Variants in AGAP1 observed in about 807,000 individuals in gnomAD.
AGAP1 encodes the protein arf-GAP with GTPase, ANK repeat and PH domain-containing protein 1.
A neutral mutation model predicts 105.3 loss-of-function variants in AGAP1; 29 were observed. The ratio of observed to expected loss-of-function variants is 0.28; its 90% CI spans 0.21 to 0.38. The LOEUF (loss-of-function observed/expected upper bound fraction) is 0.38, where lower values mean the gene tolerates loss of function less well. Among genes scored for constraint, AGAP1 ranks in the 10% least tolerant of loss-of-function variants. The pLI is 1.00. For synonymous variants in AGAP1, 509 were observed against 485.9 expected (o/e 1.05, Z -0.63); for missense variants, 998 against 1,165.1 (o/e 0.86, Z 2.09).
chr2:235,896,074 A>G lies in AGAP1; in HGVS notation c.1155+12625A>G, dbSNP rs1382864983. Among the ~76,000 whole-genome samples the G allele has an allele frequency of 3.9e-5, 6 of 152,168 alleles. 1 individual carries two copies. The highest frequency in any genetic ancestry group is 1.4e-4 in the African/African-American group (6 of 41,444). On this transcript the variant is annotated intron_variant, in intron 10 of 17. Coordinates refer to ENST00000304032, the MANE Select transcript of AGAP1 (RefSeq NM_001037131.3). ...ACCTCCAGAACTTTTTCATCTTACA[A>G]AACAAACTCTACGCATAAACACAAA...
At position 235,953,767 on chromosome 2, in the gene AGAP1, A is replaced by T. The variant is rs1160129844; in HGVS notation, c.1484-14695A>T. Among the ~76,000 whole-genome samples, 1 of 151,924 alleles carries T rather than the reference A, an allele frequency of 6.6e-6. No individual in the cohort carries two copies. The highest frequency in any genetic ancestry group is 1.5e-5 in the Non-Finnish European group (1 of 67,972). On this transcript the variant is annotated intron_variant, in intron 12 of 17. Coordinates refer to ENST00000304032, the MANE Select transcript of AGAP1 (RefSeq NM_001037131.3). The surrounding 1 kb of genome is among the most constrained non-coding windows in gnomAD (Gnocchi z 5.2). ...AGGTATAGTGAGACCCCATCTCTAC[A>T]AAGAAATTATCAGGGCATGGTGGGT...
rs6754216 is a variant in AGAP1, at chr2:235,610,344, C to T, written c.164-98835C>T. 0.29 allele frequency among the ~76,000 whole-genome samples: 44,799 copies of T among 152,006 alleles called. 6,798 individuals carry two copies. Among genetic ancestry groups the T allele is most frequent in the South Asian group, 0.38 (1,843 of 4,820 alleles). On this transcript the variant is annotated intron_variant, in intron 1 of 17. Transcript: ENST00000304032. The surrounding 1 kb of genome is among the most constrained non-coding windows in gnomAD (Gnocchi z 4.9). ...TGGGCTGCCATAACAAAATACCAGA[C>T]GCTGGGTGCCTTAAACCACAGAAAT...
In AGAP1 at chr2:235,908,868, C is replaced by G. The variant is rs2051435939; in HGVS notation, c.1286C>G (p.Ser429Cys). 1 of 1,614,020 alleles carries G rather than the reference C, an allele frequency of 6.2e-7. No individual in the cohort carries two copies. Among genetic ancestry groups the G allele is most frequent in the Non-Finnish European group, 8.5e-7 (1 of 1,179,984 alleles). ...TCCAGCCCTAAAACCAATGGCCTAT[C>G]CAAGGACATGAGCAGTTTACACATC... ...PISSPKTNGL[S>C]KDMSSLHISP... Residue 429 changes from serine (S) to cysteine (C), a missense_variant, in exon 11 of 18, where the codon TCC becomes TGC. Physicochemically the swap from Ser to Cys is moderately radical, Grantham distance 112. Coordinates refer to ENST00000304032, the MANE Select transcript of AGAP1 (RefSeq NM_001037131.3). The surrounding 1 kb of genome is among the most constrained non-coding windows in gnomAD (Gnocchi z 4.4).
intron 1 of AGAP1, among the ~76,000 whole-genome samples, chr2:235,505,367 G>A (rs1001094664): frequency 6.6e-6 from 1 of 152,218 alleles, no homozygotes; most frequent in Non-Finnish European, 1.5e-5. Flanking sequence ...GACACGCGGG[G>A]CCATGGATTG....
chr2:235,994,543 G>C lies in AGAP1; in HGVS notation c.1645+25920G>C. 6.6e-6 allele frequency among the ~76,000 whole-genome samples: 1 copy of C among 152,212 alleles called. No homozygotes were observed. Among genetic ancestry groups the C allele is most frequent in the African/African-American group, 2.4e-5 (1 of 41,564 alleles). On this transcript the variant is annotated intron_variant, in intron 13 of 17. Transcript: ENST00000304032. The surrounding 1 kb of genome is among the most constrained non-coding windows in gnomAD (Gnocchi z 4.4). ...TCATCACTGTCATCGTCATAGTGGG[G>C]ACACACTGAGAGGTTACTTTCTACC...
At position 236,090,689 on chromosome 2, in the gene AGAP1, C is replaced by G. The variant is rs770705918; in HGVS notation, c.2115-29503C>G. 2.0e-5 allele frequency among the ~76,000 whole-genome samples: 3 copies of G among 152,208 alleles called. No individual in the cohort carries two copies. In the East Asian group the frequency reaches 5.8e-4, roughly 29 times the overall value. Reference sequence around the variant, plus strand: ...ATACGGCCCAGCTTGCAAACATAATCCTTCCTTGTTTTTCTTTTGTTGGTG... The same window carrying G: ...ATACGGCCCAGCTTGCAAACATAATGCTTCCTTGTTTTTCTTTTGTTGGTG... On this transcript the variant is annotated intron_variant, in intron 16 of 17. Transcript: ENST00000304032. This position sits in a 1 kb window ranked among gnomAD's most constrained non-coding sequence, Gnocchi z 4.3.
intron 12 of AGAP1, among the ~76,000 whole-genome samples, chr2:235,949,514 G>A (rs1422013935): frequency 6.6e-6 from 1 of 152,094 alleles, no homozygotes; most frequent in East Asian, 1.9e-4. Context: ...CATCATCTTA[G>A]TCTCTTTCTT....
At chr2:235,925,174 G>T (rs774952616) in intron 11 of AGAP1, among the ~76,000 whole-genome samples, 1 of 152,128 alleles carries the variant, frequency 6.6e-6, no homozygotes, top group Non-Finnish European at 1.5e-5. Flanking sequence ...GTATTTGCGC[G>T]TGACTTGAGG....
At chr2:235,929,988 A>G (rs2052646246) in intron 11 of AGAP1, among the ~76,000 whole-genome samples, 1 of 152,210 alleles carries the variant, frequency 6.6e-6, no homozygotes, top group Non-Finnish European at 1.5e-5. Flanking sequence ...AATAGACCTA[A>G]CAGACTAATT....
rs2053990524 is a variant in AGAP1 at position 235,957,268 on chromosome 2, A to G, written c.1484-11194A>G. ...CCTAAATTCCTACTGACTAGGCTTA[A>G]TTTAGAGAGATCTCTGGGCGTAATT... On this transcript the variant is annotated intron_variant, in intron 12 of 17. Coordinates refer to ENST00000304032, the MANE Select transcript of AGAP1 (RefSeq NM_001037131.3). This position sits in a 1 kb window ranked among gnomAD's most constrained non-coding sequence, Gnocchi z 4.6. 6.6e-6 allele frequency among the ~76,000 whole-genome samples: 1 copy of G among 152,216 alleles called. No homozygotes were observed. Among genetic ancestry groups the G allele is most frequent in the Admixed American group, 6.5e-5 (1 of 15,286 alleles).
At position 236,129,503 on chromosome 2, in the gene AGAP1, G is replaced by T. The variant is rs558825579; in HGVS notation, c.*5381G>T. 11 of 152,298 alleles carry T rather than the reference G, an allele frequency of 7.2e-5. No homozygotes were observed. Among genetic ancestry groups the T allele is most frequent in the African/African-American group, 2.4e-4 (10 of 41,558 alleles). The allele number at this position is 152,298 out of a possible 1,614,324, so 9.4% of individuals were successfully genotyped here. On this transcript the variant is annotated 3_prime_UTR_variant, in exon 18 of 18. Coordinates refer to ENST00000304032, the MANE Select transcript of AGAP1 (RefSeq NM_001037131.3). This position sits in a 1 kb window ranked among gnomAD's most constrained non-coding sequence, Gnocchi z 6.2. ...ACACAGGCAGAGAGTGAACTGGATCGCTGGCCCCTGGGATGCTGCGCTGTC... is the reference window on the plus strand; with the variant it reads ...ACACAGGCAGAGAGTGAACTGGATCTCTGGCCCCTGGGATGCTGCGCTGTC...
chr2:236,108,878 C>G (rs951156196), intron 16 of AGAP1, among the ~76,000 whole-genome samples: 1 of 152,178 alleles, frequency 6.6e-6, no homozygotes, highest in Non-Finnish European at 1.5e-5. Context: ...TCTCCCAGAC[C>G]CCGCCACAAG....
intron 6 of AGAP1, among the ~76,000 whole-genome samples, chr2:235,784,885 G>C (rs1050676551): frequency 2.6e-5 from 4 of 152,092 alleles, no homozygotes; most frequent in African/African-American, 7.2e-5. Flanking sequence ...AATAATGGAT[G>C]GGTGCTGGGG....
rs1220788361 is a variant in AGAP1 at position 235,992,783 on chromosome 2, G to A, written c.1645+24160G>A. Among the ~76,000 whole-genome samples, 1 of 152,118 alleles carries A rather than the reference G, an allele frequency of 6.6e-6. No individual in the cohort carries two copies. Among genetic ancestry groups the A allele is most frequent in the African/African-American group, 2.4e-5 (1 of 41,434 alleles). On this transcript the variant is annotated intron_variant, in intron 13 of 17. Coordinates refer to ENST00000304032, the MANE Select transcript of AGAP1 (RefSeq NM_001037131.3). The surrounding 1 kb of genome is among the most constrained non-coding windows in gnomAD (Gnocchi z 4.8). ...GAGGAGAGCGTAGCCTCCTGTTAAC[G>A]TAGCCTCCTGCTGCTCTTTGGGGTA...
In AGAP1 at chr2:236,083,346, T is replaced by C. The variant is rs1344667216; in HGVS notation, c.2114+34065T>C. On this transcript the variant is annotated intron_variant, in intron 16 of 17. Coordinates refer to ENST00000304032, the MANE Select transcript of AGAP1 (RefSeq NM_001037131.3). This position sits in a 1 kb window ranked among gnomAD's most constrained non-coding sequence, Gnocchi z 5.3. ...AGCGTCGTCCTCCTCACGGGCTCTT[T>C]ACGTTGACATTGTGGCTTTGGAGGC... 6.6e-6 allele frequency among the ~76,000 whole-genome samples: 1 copy of C among 152,216 alleles called. No individual in the cohort carries two copies. The highest frequency in any genetic ancestry group is 1.5e-5 in the Non-Finnish European group (1 of 68,040).
chr2:235,851,066 A>T (rs1469059630), intron 9 of AGAP1, among the ~76,000 whole-genome samples: 1 of 152,226 alleles, frequency 6.6e-6, no homozygotes, highest in Non-Finnish European at 1.5e-5. Context: ...ACTCTCCCAC[A>T]GGAAGGGCGC....
intron 1 of AGAP1, among the ~76,000 whole-genome samples, chr2:235,681,223 A>G (rs1338040274): frequency 6.6e-6 from 1 of 152,052 alleles, no homozygotes; most frequent in East Asian, 1.9e-4. Flanking sequence ...GTTAGCCAGG[A>G]TGGTCTCGAT....
At chr2:235,791,274 C>G (rs1248562464) in intron 6 of AGAP1, among the ~76,000 whole-genome samples, 1 of 152,072 alleles carries the variant, frequency 6.6e-6, no homozygotes, top group Non-Finnish European at 1.5e-5. Flanking sequence ...GATCACTTTA[C>G]TGTGATTTAA....
At chr2:235,913,588 C>T (rs988773719) in intron 11 of AGAP1, among the ~76,000 whole-genome samples, 7 of 152,168 alleles carry the variant, frequency 4.6e-5, no homozygotes, top group African/African-American at 1.7e-4. Flanking sequence ...AGATTTACCA[C>T]AGTGTCTTAG....
Sources: allele counts gnomAD v4.1 joint callset (sites outside exome capture counted in the v4.1 genomes callset), GRCh38; gene constraint gnomAD v4.1.1; non-coding constraint Gnocchi (gnomAD v3.1); transcripts MANE v1.5; gene names NCBI Gene and HGNC (gene_info 2026-07-23, HGNC 2026-07-21).